Variants in CEP192 observed in about 807,000 individuals in gnomAD.
CEP192 encodes centrosomal protein of 192 kDa.
A neutral mutation model predicts 271.8 loss-of-function variants in CEP192; 151 were observed. The observed-to-expected ratio is 0.56, with a 90% CI of 0.49 to 0.64. The LOEUF is 0.64. Ranked by LOEUF, CEP192 falls within the 30% of genes least tolerant of loss-of-function variation. The pLI, the probability that CEP192 is intolerant of heterozygous loss-of-function variation, is 0.00. For synonymous variants in CEP192, 995 were observed against 1,076.5 expected, an observed-to-expected ratio of 0.92 and a Z score of 1.48; for missense variants, 2,910 against 3,020.5, an observed-to-expected ratio of 0.96 and a Z score of 0.86.
At chr18:13,002,240 T>G (rs2033695026) in intron 3 of CEP192, among the ~76,000 whole-genome samples, 1 of 152,188 alleles carries the variant, frequency 6.6e-6, no homozygotes, top group African/African-American at 2.4e-5. Context: ...AATCTTCTTT[T>G]TACTTCTAAT....
intron 44 of CEP192, among the ~76,000 whole-genome samples, chr18:13,118,765 A>G (rs372370776): frequency 4.6e-5 from 7 of 152,282 alleles, no homozygotes; most frequent in African/African-American, 1.7e-4. Flanking sequence ...AGACGTGGTA[A>G]TAATGCCCAG....
In CEP192 at chr18:13,104,997, G is replaced by A. The variant is rs891167025; in HGVS notation, c.6965G>A (p.Ser2322Asn). The A allele has an allele frequency of 1.2e-6, 2 of 1,612,986 alleles. No individual in the cohort carries two copies. Among genetic ancestry groups the A allele is most frequent in the East Asian group, 2.2e-5 (1 of 44,888 alleles). ...ATTGCTTTGCAGGGAGTTGATGAAA[G>A]TGGAGATGTTTTTAGAGCTACCTAT... is the stretch of plus-strand genomic sequence containing the variant. ...APPYVKGVDE[S>N]GDVFRATYAA... Residue 2322 changes from serine (S) to asparagine (N), a missense_variant, in exon 40 of 45, where the codon AGT becomes AAT. Physicochemically the swap from Ser to Asn is conservative, Grantham distance 46 (BLOSUM62 1). Coordinates refer to ENST00000506447, the MANE Select transcript of CEP192 (RefSeq NM_032142.4).
intron 12 of CEP192, 97 bp from the exon 13 acceptor site, chr18:13,038,273 A>T: frequency 9.7e-7 from 1 of 1,025,660 alleles, no homozygotes; most frequent in Non-Finnish European, 1.4e-6. Context: ...ATTACTTTTT[A>T]AATTTTCTTG....
chr18:13,047,819 C>A lies in CEP192; in HGVS notation c.2068-1040C>A, dbSNP rs150192190. On this transcript the variant is annotated intron_variant, in intron 15 of 44. Coordinates refer to ENST00000506447, the MANE Select transcript of CEP192 (RefSeq NM_032142.4). ...TAATTCTAACAGTTGAATGAAATTA[C>A]CAAGAATTATACTTGCAATCACAAT... Among the ~76,000 whole-genome samples the A allele has an allele frequency of 1.7e-4, 26 of 152,222 alleles. No individual in the cohort carries two copies. In the East Asian group the frequency reaches 5.0e-3, roughly 29 times the overall value.
intron 17 of CEP192, among the ~76,000 whole-genome samples, chr18:13,050,715 A>C (rs2036739597): frequency 6.6e-6 from 1 of 151,556 alleles, no homozygotes; most frequent in Non-Finnish European, 1.5e-5. Flanking sequence ...GAGTAGCTGG[A>C]ACCACAGGCA....
At chr18:13,095,711 G>A (rs2039363692) in intron 35 of CEP192, 30 bp downstream of exon 35, 13 of 1,598,062 alleles carry the variant, frequency 8.1e-6, no homozygotes, top group Admixed American at 1.7e-5. Context: ...CACCTCAGAG[G>A]TGTGTTCCGG....
chr18:13,055,910 T>C lies in CEP192; in HGVS notation c.3320T>C (p.Ile1107Thr), dbSNP rs911131412. 2.5e-6 allele frequency: 4 copies of C among 1,614,022 alleles called. No individual in the cohort carries two copies. In the African/African-American group the frequency reaches 5.3e-5, roughly 22 times the overall value. ...QNRGKGTLSS[I>T]IQNNSDTRKA... ...AGAGGAAAAGGAACATTATCATCTATTATCCAGAATAACTCTGATACAAGA... is the reference window on the plus strand; with the variant it reads ...AGAGGAAAAGGAACATTATCATCTACTATCCAGAATAACTCTGATACAAGA... Residue 1107 changes from isoleucine to threonine, a missense_variant, in exon 19 of 45, where the codon ATT becomes ACT. Physicochemically the swap from Ile to Thr is moderately conservative, Grantham distance 89. Transcript: ENST00000506447.
intron 15 of CEP192, among the ~76,000 whole-genome samples, chr18:13,048,458 CT>C (rs1243660942): frequency 1.3e-5 from 2 of 152,148 alleles, no homozygotes; most frequent in Non-Finnish European, 2.9e-5. Flanking sequence ...CAGAGAGGAG[CT>C]ATCAAGTGCT....
Position 13,057,679 on chromosome 18 carries a change from C to G in CEP192, c.4203C>G (p.Asp1401Glu), listed in dbSNP as rs541433315. 2 of 1,614,114 alleles carry G rather than the reference C, an allele frequency of 1.2e-6. No individual in the cohort carries two copies. Among genetic ancestry groups the G allele is most frequent in the Admixed American group, 3.3e-5 (2 of 60,026 alleles). ...TCCTCAGTGTGCTTAATCCAACTGACCGCTGGCTGCAAGTCAGCATTGGGG... is the reference window on the plus strand; with the variant it reads ...TCCTCAGTGTGCTTAATCCAACTGAGCGCTGGCTGCAAGTCAGCATTGGGG... Reference protein sequence around the residue: ...QTLLSVLNPTDRWLQVSIGVL... With the variant: ...QTLLSVLNPTERWLQVSIGVL... The change falls in exon 20 of 45, where the codon GAC becomes GAG. Residue 1401 changes from aspartate to glutamate, a missense_variant. Coordinates refer to ENST00000506447, the MANE Select transcript of CEP192 (RefSeq NM_032142.4).
In CEP192 at chr18:13,116,387, G is replaced by A. The variant is rs2040430484; in HGVS notation, c.7300G>A (p.Val2434Met). ...ASARIPEQLD[V>M]TARGVYAPED... ...CTATTCCCAAAGCAGGCAGCTTGAT[G>A]TGACTGCTCGTGGAGTTTATGCCCC... Residue 2434 changes from valine (V) to methionine (M), a missense_variant, in exon 43 of 45, where the codon GTG (valine) becomes ATG (methionine). Val to Met is a conservative substitution (Grantham distance 21). Coordinates refer to ENST00000506447, the MANE Select transcript of CEP192 (RefSeq NM_032142.4). 6 of 1,612,028 alleles carry A rather than the reference G, an allele frequency of 3.7e-6. No individual in the cohort carries two copies. The highest frequency in any genetic ancestry group is 2.2e-5 in the East Asian group (1 of 44,818).
At chr18:13,064,265 A>G (rs2037567540) in intron 21 of CEP192, among the ~76,000 whole-genome samples, 1 of 151,896 alleles carries the variant, frequency 6.6e-6, no homozygotes, top group Non-Finnish European at 1.5e-5. Flanking sequence ...AGCGCCATTT[A>G]TTCAAGGGAC....
chr18:13,096,442 A>G, intron 36 of CEP192, 135 bp downstream of exon 36: 6 of 1,111,102 alleles, frequency 5.4e-6, no homozygotes, highest in Non-Finnish European at 7.6e-6. Context: ...AAGCATGTGC[A>G]TGGTTCTGCA....
chr18:13,078,600 T>C (rs966276206), intron 30 of CEP192, among the ~76,000 whole-genome samples: 1 of 152,154 alleles, frequency 6.6e-6, no homozygotes, highest in African/African-American at 2.4e-5. Context: ...ATCTGTTGTT[T>C]CCTGACTTTT....
In CEP192 at chr18:13,008,577, T is replaced by C. The variant is rs1032480972; in HGVS notation, c.412T>C (p.Ser138Pro). 2.1e-5 allele frequency: 33 copies of C among 1,551,506 alleles called. No homozygotes were observed. Among genetic ancestry groups the C allele is most frequent in the Non-Finnish European group, 2.5e-5 (29 of 1,146,968 alleles). Residue 138 changes from serine (S) to proline (P), a missense_variant, in exon 4 of 45, where the codon TCC becomes CCC. Transcript: ENST00000506447. ...AGAGGAGCCAGCCGGAGCTACAGAA[T>C]CCTTGCAGGGCCAAGATCTCTTCAA... ...PEEEPAGATE[S>P]LQGQDLFNRA...
chr18:13,114,163 T>C lies in CEP192; in HGVS notation c.7201T>C (p.Cys2401Arg). 6.2e-7 allele frequency: 1 copy of C among 1,614,078 alleles called. No individual in the cohort carries two copies. Among genetic ancestry groups the C allele is most frequent in the Non-Finnish European group, 8.5e-7 (1 of 1,179,974 alleles). Residue 2401 changes from cysteine (C) to arginine (R), a missense_variant, in exon 42 of 45, where the codon TGC (cysteine) becomes CGC (arginine). Physicochemically the swap from Cys to Arg is radical, Grantham distance 180. Coordinates refer to ENST00000506447, the MANE Select transcript of CEP192 (RefSeq NM_032142.4). ...AGCAGAAAATGAGCCTGAAAACGCA[T>C]GCCTTTCCACGGATTCCCTCATTAA... ...IEAENEPENACLSTDSLIKID... is the reference protein window; with the variant it reads ...IEAENEPENARLSTDSLIKID...
chr18:13,071,926 A>G (rs142189302), intron 28 of CEP192, among the ~76,000 whole-genome samples: 13 of 152,312 alleles, frequency 8.5e-5, no homozygotes, highest in East Asian at 1.9e-4. Flanking sequence ...AACTAACTCT[A>G]TACTTGAAAA....
At position 13,018,598 on chromosome 18, in the gene CEP192, T is replaced by C. The variant is rs1568287587; in HGVS notation, c.908T>C (p.Ile303Thr). ...AAAGAGTCTGAGGAAAGCCAAGTTA[T>C]TTGTCTACCTGGGACTAGTAAGTAT... ...THKESEESQV[I>T]CLPGTSNSIG... Residue 303 changes from isoleucine to threonine, a missense_variant, in exon 8 of 45, where the codon ATT (isoleucine) becomes ACT (threonine). Ile to Thr is a moderately conservative substitution (Grantham distance 89, BLOSUM62 -1). Coordinates refer to ENST00000506447, the MANE Select transcript of CEP192 (RefSeq NM_032142.4). 2 of 1,536,718 alleles carry C rather than the reference T, an allele frequency of 1.3e-6. No individual in the cohort carries two copies. The highest frequency in any genetic ancestry group is 2.5e-5 in the South Asian group (2 of 81,322).
chr18:13,044,629 A>G (rs2036381369), intron 15 of CEP192, among the ~76,000 whole-genome samples: 1 of 152,150 alleles, frequency 6.6e-6, no homozygotes, highest in Non-Finnish European at 1.5e-5. Context: ...ATATTAAACT[A>G]TTCTTTTATA....
At chr18:13,010,925 G>A (rs947741701) in intron 4 of CEP192, among the ~76,000 whole-genome samples, 6 of 151,834 alleles carry the variant, frequency 4.0e-5, no homozygotes, top group African/African-American at 1.5e-4. Flanking sequence ...TCCAGGAAAT[G>A]CAATTCAAAA....
Sources: allele counts gnomAD v4.1 joint callset (sites outside exome capture counted in the v4.1 genomes callset), GRCh38; gene constraint gnomAD v4.1.1; transcripts MANE v1.5; gene names NCBI Gene and HGNC (gene_info 2026-07-23, HGNC 2026-07-21).